The following DYNLT5 variants were observed in gnomAD, a reference collection of about 807,000 sequenced individuals.
DYNLT5 encodes the protein dynein light chain Tctex-type 5.
Under a neutral mutation model 19.3 loss-of-function variants are expected in DYNLT5, and 25 were observed. That is an observed-to-expected ratio of 1.30 (90% CI 0.95 to 1.81). DYNLT5 has a LOEUF of 1.81. DYNLT5 is among the 40% of genes most tolerant of loss of function. The pLI, the probability that DYNLT5 is intolerant of heterozygous loss-of-function variation, is 0.00. For missense variants in DYNLT5, 232 were observed against 217.9 expected, an observed-to-expected ratio of 1.06 and a Z score of -0.41; for synonymous variants, 82 against 68.9, an observed-to-expected ratio of 1.19 and a Z score of -0.94.
At chr1:66,757,677 C>T (rs1170185639) in intron 2 of DYNLT5, among the ~76,000 whole-genome samples, 2 of 151,958 alleles carry the variant, frequency 1.3e-5, no homozygotes, top group Non-Finnish European at 2.9e-5. Context: ...TGCGATGAAC[C>T]TTATTTATGT....
At chr1:66,759,512 G>A (rs183654343) in intron 2 of DYNLT5, among the ~76,000 whole-genome samples, 18 of 152,114 alleles carry the variant, frequency 1.2e-4, no homozygotes, top group African/African-American at 4.3e-4. Flanking sequence ...ATACATACAC[G>A]TTTTTTTAAA....
At chr1:66,770,171 A>G (rs1645195660) in intron 2 of DYNLT5, among the ~76,000 whole-genome samples, 1 of 152,202 alleles carries the variant, frequency 6.6e-6, no homozygotes. Flanking sequence ...TTCAGCCATC[A>G]CATTGAGACC....
chr1:66,773,041 T>C (rs1645212672), intron 3 of DYNLT5, among the ~76,000 whole-genome samples: 1 of 152,196 alleles, frequency 6.6e-6, no homozygotes, highest in South Asian at 2.1e-4. Flanking sequence ...CCATTCATCA[T>C]GTTACTACTC....
At position 66,752,511 on chromosome 1, in the gene DYNLT5, C is replaced by G. The variant is rs2094627082; in HGVS notation, c.-77C>G. On this transcript the variant is annotated 5_prime_UTR_variant, in exon 1 of 5. Transcript: ENST00000282670. The stretch of plus-strand genomic sequence containing the variant: ...CGCCGGCTGAATGAAGCCTGGGACG[C>G]GGGAGCCGCGCCGCGCGCAGTGTCT... 3 of 985,462 alleles carry G rather than the reference C, an allele frequency of 3.0e-6. No homozygotes were observed. The highest frequency in any genetic ancestry group is 4.7e-5 in the South Asian group (1 of 21,296). 61.0% of individuals were successfully genotyped at this position (985,462 alleles called of 1,614,324 possible). A position where few individuals can be genotyped will look rare whatever the true frequency, so the allele number is the denominator to read the frequency against.
At chr1:66,773,201 A>T (rs1645213907) in intron 3 of DYNLT5, among the ~76,000 whole-genome samples, 2 of 152,162 alleles carry the variant, frequency 1.3e-5, no homozygotes, top group South Asian at 2.1e-4. Flanking sequence ...TTGTTTGCAA[A>T]CATGGACTGC....
intron 1 of DYNLT5, 122 bp from the exon 2 acceptor site, chr1:66,754,519 GCTCTTGAGGAAACCC>G (rs1291975110): frequency 3.1e-5 from 23 of 751,690 alleles, no homozygotes; most frequent in Non-Finnish European, 2.3e-5. Flanking sequence ...TCTATATATT[GCTCTTGAGGAAACCC>G]CACTTTCCTG....
In DYNLT5 at chr1:66,778,671, T is replaced by A. The variant is rs1645251588; in HGVS notation, c.*1217T>A. 6.6e-6 allele frequency: 1 copy of A among 152,634 alleles called. No individual in the cohort carries two copies. The highest frequency in any genetic ancestry group is 3.2e-3 in the Middle Eastern group (1 of 316). The allele number at this position is 152,634 out of a possible 1,614,324, so 9.5% of individuals were successfully genotyped here. On this transcript the variant is annotated 3_prime_UTR_variant, in exon 5 of 5. Coordinates refer to ENST00000282670, the MANE Select transcript of DYNLT5 (RefSeq NM_152665.3). ...ATGGAAAACCAGTTAATGCTTTAAT[T>A]TTAAAATGTTTTGGTGTCTTACTTT...
rs1278968321 is a variant in DYNLT5, at chr1:66,778,448, C to T, written c.*994C>T. 2.6e-5 allele frequency: 4 copies of T among 152,550 alleles called. No homozygotes were observed. The highest frequency in any genetic ancestry group is 9.7e-5 in the African/African-American group (4 of 41,424). The allele number at this position is 152,550 out of a possible 1,614,324, so 9.4% of individuals were successfully genotyped here. A position where few individuals can be genotyped will look rare whatever the true frequency, so the allele number is the denominator to read the frequency against. ...GGTTAATGTATCTTACGCCACGGAT[C>T]ATTTATTTTTATGAAGCTTTCAAGT... On this transcript the variant is annotated 3_prime_UTR_variant, in exon 5 of 5. Transcript: ENST00000282670.
At chr1:66,758,520 G>A (rs2150860007) in intron 2 of DYNLT5, among the ~76,000 whole-genome samples, 1 of 152,284 alleles carries the variant, frequency 6.6e-6, no homozygotes, top group African/African-American at 2.4e-5. Flanking sequence ...AGAACTTTCT[G>A]TATGGATCCC....
intron 3 of DYNLT5, chr1:66,770,923 GT>G (rs1396126368): frequency 1.0e-5 from 2 of 192,328 alleles, no homozygotes; most frequent in African/African-American, 4.8e-5. Context: ...TACCACTGAG[GT>G]TTTGAGTCTT....
At chr1:66,770,339 A>T in intron 2 of DYNLT5, 48 bp from the exon 3 acceptor site, 2 of 1,209,178 alleles carry the variant, frequency 1.7e-6, no homozygotes, top group East Asian at 4.7e-5. Context: ...GTATTTTGTT[A>T]TTATTGTTAT....
At chr1:66,757,521 G>A (rs1280794626) in intron 2 of DYNLT5, among the ~76,000 whole-genome samples, 1 of 151,904 alleles carries the variant, frequency 6.6e-6, no homozygotes, top group Non-Finnish European at 1.5e-5. Context: ...GTTAGACCTG[G>A]ACATACATAT....
At chr1:66,773,373 C>T (rs1645214978) in intron 3 of DYNLT5, among the ~76,000 whole-genome samples, 1 of 152,138 alleles carries the variant, frequency 6.6e-6, no homozygotes, top group Admixed American at 6.6e-5. Flanking sequence ...GGCCCTGTCT[C>T]TATGTCAGGT....
intron 4 of DYNLT5, 104 bp from the exon 5 acceptor site, chr1:66,777,147 T>TGC (rs1645241040): frequency 2.2e-6 from 2 of 924,982 alleles, no homozygotes; most frequent in Admixed American, 4.9e-5. Flanking sequence ...GTATCTACAA[T>TGC]GCATCATGCT....
chr1:66,776,198 A>G, intron 3 of DYNLT5, 81 bp from the exon 4 acceptor site: 1 of 1,512,470 alleles, frequency 6.6e-7, no homozygotes, highest in African/African-American at 1.4e-5. Flanking sequence ...CCATGTTTCC[A>G]TACTCTTTTG....
chr1:66,762,713 GA>G (rs1422381489), intron 2 of DYNLT5, among the ~76,000 whole-genome samples: 1 of 152,182 alleles, frequency 6.6e-6, no homozygotes, highest in Non-Finnish European at 1.5e-5. Flanking sequence ...TTTATGGGGT[GA>G]AAAGAAGTTG....
rs1425866936 is a variant in DYNLT5, at chr1:66,777,858, T to G, written c.*404T>G. ...AATGATAGTAGAATATTCAACATGG[T>G]ATACACAAATGATAAATAATGTGCC... On this transcript the variant is annotated 3_prime_UTR_variant, in exon 5 of 5. Coordinates refer to ENST00000282670, the MANE Select transcript of DYNLT5 (RefSeq NM_152665.3). 1 of 157,532 alleles carries G rather than the reference T, an allele frequency of 6.3e-6. No homozygotes were observed. The highest frequency in any genetic ancestry group is 1.4e-5 in the Non-Finnish European group (1 of 71,140). 9.8% of individuals were successfully genotyped at this position (157,532 alleles called of 1,614,324 possible). A position where few individuals can be genotyped will look rare whatever the true frequency, so the allele number is the denominator to read the frequency against.
chr1:66,774,701 G>T (rs1314992196), intron 3 of DYNLT5, among the ~76,000 whole-genome samples: 3 of 150,054 alleles, frequency 2.0e-5, no homozygotes, highest in African/African-American at 7.3e-5. Context: ...GCTCCCAAGG[G>T]AGCCCTCTCC....
chr1:66,758,505 T>C (rs1006199654), intron 2 of DYNLT5, among the ~76,000 whole-genome samples: 1 of 152,194 alleles, frequency 6.6e-6, no homozygotes, highest in African/African-American at 2.4e-5. Context: ...TGATGTCATG[T>C]TACCAGAACT....
Sources: allele counts gnomAD v4.1 joint callset (sites outside exome capture counted in the v4.1 genomes callset), GRCh38; gene constraint gnomAD v4.1.1; transcripts MANE v1.5; gene names NCBI Gene and HGNC (gene_info 2026-07-23, HGNC 2026-07-21).